The following DNAH10 variants were observed in gnomAD, a reference collection of about 807,000 sequenced individuals.
The protein encoded by DNAH10 is axonemal beta dynein heavy chain 10.
A neutral mutation model predicts 506.6 loss-of-function variants in DNAH10; 348 were observed. The observed-to-expected ratio is 0.69, with a 90% confidence interval of 0.63 to 0.75. The LOEUF (loss-of-function observed/expected upper bound fraction) is 0.75. Among genes scored for constraint, DNAH10 ranks in the 30% least tolerant of loss-of-function variants. The probability of loss-of-function intolerance (pLI) is 0.00; values close to 1 mark genes in which losing one functional copy is unlikely to be tolerated. For missense variants in DNAH10, 5,179 were observed against 5,787.1 expected (o/e 0.89, Z 3.41); for synonymous variants, 2,059 against 2,198.6 (o/e 0.94, Z 1.78).
At chr12:123,861,984 T>G (rs957069634) in intron 39 of DNAH10, among the ~76,000 whole-genome samples, 2 of 152,266 alleles carry the variant, frequency 1.3e-5, no homozygotes, top group Non-Finnish European at 2.9e-5. Context: ...CTTCCTGTTC[T>G]GGAGGATTCC....
Position 123,822,925 on chromosome 12 carries a change from A to G in DNAH10, c.4179+2167A>G, listed in dbSNP as rs540978971. 1.4e-3 allele frequency among the ~76,000 whole-genome samples: 207 copies of G among 152,334 alleles called. 1 individual carries two copies. Among genetic ancestry groups the G allele is most frequent in the African/African-American group, 4.6e-3 (192 of 41,582 alleles). ...GCCACCTGCTTTACTCAGTCCCCCA[A>G]TGCAAACGCTCATCTCACTCAGTAT... On this transcript the variant is annotated intron_variant, in intron 24 of 78. Transcript: ENST00000673944.
intron 19 of DNAH10, among the ~76,000 whole-genome samples, chr12:123,809,372 G>A (rs145805868): frequency 2.0e-5 from 3 of 152,292 alleles, no homozygotes; most frequent in Non-Finnish European, 2.9e-5. Context: ...CAGGCCAGGT[G>A]CAGTGGCTCA....
intron 25 of DNAH10, among the ~76,000 whole-genome samples, chr12:123,829,879 A>G (rs1960358929): frequency 6.6e-6 from 1 of 152,166 alleles, no homozygotes; most frequent in Non-Finnish European, 1.5e-5. Context: ...GCAAAACCTT[A>G]AAGGAAGGCC....
In DNAH10 at chr12:123,917,846, G is replaced by C; in HGVS notation, c.11232+33G>C. The C allele has an allele frequency of 1.9e-6, 3 of 1,547,782 alleles. No homozygotes were observed. Among genetic ancestry groups the C allele is most frequent in the Non-Finnish European group, 2.6e-6 (3 of 1,143,478 alleles). On this transcript the variant is annotated intron_variant, in intron 64 of 78. Transcript: ENST00000673944. The surrounding 1 kb of genome is among the most constrained non-coding windows in gnomAD (Gnocchi z 5.6). ...CCACAGTGGAAGAGGCCGTGAGTCA[G>C]GCGGGGCCTGCATGCGCCGTTGGAG...
intron 30 of DNAH10, 23 bp from the exon 31 acceptor site, chr12:123,845,577 T>C (rs777564930): frequency 6.2e-7 from 1 of 1,610,774 alleles, no homozygotes; most frequent in Admixed American, 1.7e-5. Flanking sequence ...TCAGAGCCTC[T>C]TACAGGTGTG....
At chr12:123,796,627 C>G (rs201560200) in intron 12 of DNAH10, 29 bp from the exon 13 acceptor site, 1 of 1,567,382 alleles carries the variant, frequency 6.4e-7, no homozygotes, top group Non-Finnish European at 8.6e-7. Flanking sequence ...ATGTTTATCA[C>G]TTACAGAAGC....
chr12:123,794,119 GA>G lies in DNAH10; in HGVS notation c.1986+12del. 8.5e-7 allele frequency: 1 copy of G among 1,175,750 alleles called. No individual in the cohort carries two copies. Among genetic ancestry groups the G allele is most frequent in the South Asian group, 1.6e-5 (1 of 61,662 alleles). 72.8% of individuals were successfully genotyped at this position (1,175,750 alleles called of 1,614,324 possible). On this transcript the variant is annotated splice_region_variant and intron_variant, in intron 12 of 78. Coordinates refer to ENST00000673944, the MANE Select transcript of DNAH10 (RefSeq NM_001372106.1). ...TGCACAGTACTGTAAAGAGGTAATTGAAAAATCGATAGCTGCCATAGCATTA... is the reference window on the plus strand; with the variant it reads ...TGCACAGTACTGTAAAGAGGTAATTGAAAATCGATAGCTGCCATAGCATTA...
chr12:123,826,430 A>G (rs1213917717), intron 24 of DNAH10, among the ~76,000 whole-genome samples: 1 of 152,198 alleles, frequency 6.6e-6, no homozygotes, highest in East Asian at 1.9e-4. Context: ...TTGTCTTTAG[A>G]AAGGGAAGAT....
chr12:123,793,384 G>A, intron 11 of DNAH10, among the ~76,000 whole-genome samples: 1 of 95,748 alleles, frequency 1.0e-5, no homozygotes, highest in East Asian at 1.8e-3. Context: ...TGTCGCCCAG[G>A]CTGGAGTGCA....
intron 51 of DNAH10, 118 bp from the exon 52 acceptor site, chr12:123,887,023 TC>T (rs777712869): frequency 1.2e-4 from 149 of 1,249,880 alleles, no homozygotes; most frequent in Non-Finnish European, 1.4e-4. Context: ...CTGACCTACT[TC>T]CTCGAGCTTG....
chr12:123,799,229 C>G lies in DNAH10; in HGVS notation c.2164-17C>G. The G allele has an allele frequency of 1.9e-6, 3 of 1,591,138 alleles. No homozygotes were observed. Among genetic ancestry groups the G allele is most frequent in the South Asian group, 1.1e-5 (1 of 87,470 alleles). On this transcript the variant is annotated splice_polypyrimidine_tract_variant and intron_variant, in intron 13 of 78. Transcript: ENST00000673944. The stretch of plus-strand genomic sequence containing the variant: ...ATTTTCAAGGACAAAATGACGGTTG[C>G]TTGAATTCTTTGATAGGTCAAACAA...
chr12:123,935,468 T>G lies in DNAH10; in HGVS notation c.13757T>G (p.Leu4586Arg). 6.3e-7 allele frequency: 1 copy of G among 1,588,230 alleles called. No homozygotes were observed. Among genetic ancestry groups the G allele is most frequent in the Non-Finnish European group, 8.6e-7 (1 of 1,158,694 alleles). ...GTGCTGCAAGGAGTATGCCTCACCC[T>G]GAATTCTGATTAACCTTTGGGTGAA... is the stretch of plus-strand genomic sequence containing the variant. Reference protein sequence around the residue: ...HWVLQGVCLTLNSD With the variant: ...HWVLQGVCLTRNSD Residue 4586 changes from leucine (L) to arginine (R), a missense_variant, in exon 79 of 79, where the codon CTG becomes CGG. By Grantham distance (102) the Leu-to-Arg change is moderately radical. This residue lies in a region of DNAH10 where 4,844 missense variants were observed against 5,430.5 expected (regional missense o/e 0.89). Coordinates refer to ENST00000673944, the MANE Select transcript of DNAH10 (RefSeq NM_001372106.1).
In DNAH10 at chr12:123,903,055, C is replaced by G. The variant is rs368529383; in HGVS notation, c.9757C>G (p.Leu3253Val). Residue 3253 changes from leucine (L) to valine (V), a missense_variant, in exon 57 of 79, where the codon CTG becomes GTG. Around this residue, in one of 3 missense-constraint regions of DNAH10, gnomAD observed 4,844 missense variants for 5,430.5 expected, o/e 0.89. Coordinates refer to ENST00000673944, the MANE Select transcript of DNAH10 (RefSeq NM_001372106.1). The surrounding 1 kb of genome is among the most constrained non-coding windows in gnomAD (Gnocchi z 4.6). ...ETTLAEVMPI[L>V]EAAKLELQKL... ...GACCCTGGCAGAGGTCATGCCCATC[C>G]TGGAGGCCGCCAAGCTGGAACTGCA... 8.7e-6 allele frequency: 14 copies of G among 1,611,056 alleles called. No homozygotes were observed. The highest frequency in any genetic ancestry group is 1.3e-5 in the African/African-American group (1 of 74,846).
chr12:123,793,638 C>T (rs368571575), intron 11 of DNAH10, among the ~76,000 whole-genome samples: 1 of 152,034 alleles, frequency 6.6e-6, no homozygotes, highest in African/African-American at 2.4e-5. Context: ...GCGCCTGGCC[C>T]TGCCTTCATT....
intron 15 of DNAH10, among the ~76,000 whole-genome samples, chr12:123,801,016 CA>C (rs1311752730): frequency 2.2e-4 from 30 of 134,952 alleles, no homozygotes; most frequent in Admixed American, 3.0e-4. Context: ...GACTCCATCT[CA>C]AAAAAAAAAA....
At chr12:123,832,162 GTACA>G (rs1161598723) in intron 26 of DNAH10, among the ~76,000 whole-genome samples, 1 of 151,910 alleles carries the variant, frequency 6.6e-6, no homozygotes, top group African/African-American at 2.4e-5. Context: ...TGCACATAAT[GTACA>G]TACAGTGTAC....
rs749068543 is a variant in DNAH10, at chr12:123,784,049, G to C, written c.1102G>C (p.Asp368His). Reference protein sequence around the residue: ...TKLPIVRKVLDVIKESDSMLV... With the variant: ...TKLPIVRKVLHVIKESDSMLV... ...GCTTCCAATAGTCAGAAAAGTCTTG[G>C]ATGTGATCAAGGAATCCGACTCCAT... Residue 368 changes from aspartate (D) to histidine (H), a missense_variant, in exon 8 of 79, where the codon GAT becomes CAT. Physicochemically the swap from Asp to His is moderately conservative, Grantham distance 81 (BLOSUM62 -1). Around this residue, in one of 3 missense-constraint regions of DNAH10, gnomAD observed 4,844 missense variants for 5,430.5 expected, o/e 0.89. Transcript: ENST00000673944. The C allele has an allele frequency of 3.7e-6, 6 of 1,614,098 alleles. No homozygotes were observed. The highest frequency in any genetic ancestry group is 4.2e-6 in the Non-Finnish European group (5 of 1,180,048).
At chr12:123,764,669 C>T (rs551119848) in intron 1 of DNAH10, among the ~76,000 whole-genome samples, 3 of 152,292 alleles carry the variant, frequency 2.0e-5, no homozygotes, top group African/African-American at 7.2e-5. Context: ...AGAGGGTCCC[C>T]CTGGTTAATT....
Position 123,796,728 on chromosome 12 carries a change from G to A in DNAH10, c.2059G>A (p.Ala687Thr). 6.2e-7 allele frequency: 1 copy of A among 1,613,908 alleles called. No homozygotes were observed. Among genetic ancestry groups the A allele is most frequent in the Non-Finnish European group, 8.5e-7 (1 of 1,179,828 alleles). The change falls in exon 13 of 79, where the codon GCA (alanine) becomes ACA (threonine). Residue 687 changes from alanine (A) to threonine (T), a missense_variant. Ala to Thr is a moderately conservative substitution (Grantham distance 58, BLOSUM62 0). Coordinates refer to ENST00000673944, the MANE Select transcript of DNAH10 (RefSeq NM_001372106.1). ...ACTGTATAAGAATCACCCTCCAGTA[G>A]CAGGTGCAATATACTGGGAACGATC... ...PPLYKNHPPV[A>T]GAIYWERSLF...
Sources: gnomAD v4.1 joint callset for allele counts (sites outside exome capture counted in the v4.1 genomes callset) on GRCh38, gnomAD v4.1.1 for gene constraint, gnomAD v4.1.1 regional missense constraint, Gnocchi (gnomAD v3.1) non-coding constraint, MANE v1.5 for transcripts, NCBI Gene and HGNC (gene_info 2026-07-23, HGNC 2026-07-21) for gene names.